The following TDRD1 variants were observed in gnomAD, a reference collection of about 807,000 sequenced individuals.
TDRD1 encodes the protein tudor domain containing 1.
A neutral mutation model predicts 140.6 loss-of-function variants in TDRD1; 37 were observed. That is an observed-to-expected ratio of 0.26 (90% confidence interval 0.20 to 0.35). The LOEUF (loss-of-function observed/expected upper bound fraction) is 0.35. TDRD1 is among the 10% of genes least tolerant of loss of function. The pLI, the probability that TDRD1 is intolerant of heterozygous loss-of-function variation, is 1.00. For missense variants in TDRD1, 1,243 were observed against 1,393.0 expected (o/e 0.89, Z 1.71); for synonymous variants, 506 against 475.7 (o/e 1.06, Z -0.83).
At chr10:114,221,540 G>T in intron 20 of TDRD1, 64 bp downstream of exon 20, 2 of 1,489,534 alleles carry the variant, frequency 1.3e-6, no homozygotes, top group African/African-American at 1.4e-5. Flanking sequence ...GAAAGTGCTG[G>T]TCTTGAATTC....
intron 11 of TDRD1, among the ~76,000 whole-genome samples, chr10:114,209,691 C>A (rs2035359620): frequency 6.6e-6 from 1 of 152,166 alleles, no homozygotes. Flanking sequence ...ATATGAAATT[C>A]CCTCCACTTT....
At chr10:114,226,084 A>G in exon 22 of TDRD1, 1 of 1,614,026 alleles carries the variant, frequency 6.2e-7, no homozygotes, top group Non-Finnish European at 8.5e-7. Context: ...TGTTCTGGGG[A>G]CATCAGACAC....
chr10:114,175,473 A>AT (rs1184412170), upstream of TDRD1, among the ~76,000 whole-genome samples: 1 of 151,958 alleles, frequency 6.6e-6, no homozygotes, highest in Non-Finnish European at 1.5e-5. Context: ...CTCATGGTAC[A>AT]TTTTTTTCGT....
At chr10:114,197,290 G>A (rs185167470) in intron 3 of TDRD1, among the ~76,000 whole-genome samples, 279 of 152,076 alleles carry the variant, frequency 1.8e-3, no homozygotes, top group African/African-American at 5.6e-3. Flanking sequence ...CAGATCAGGC[G>A]TTTCTGTGGT....
intron 2 of TDRD1, among the ~76,000 whole-genome samples, chr10:114,189,320 G>A (rs959703669): frequency 6.6e-6 from 1 of 152,210 alleles, no homozygotes; most frequent in Non-Finnish European, 1.5e-5. Flanking sequence ...GTGCAATTGA[G>A]TTGTAAGCTG....
intron 17 of TDRD1, among the ~76,000 whole-genome samples, chr10:114,218,064 A>G (rs1274686850): frequency 6.6e-6 from 1 of 152,192 alleles, no homozygotes; most frequent in Non-Finnish European, 1.5e-5. Flanking sequence ...AAGTAAAATA[A>G]TCTGAGCCAT....
At chr10:114,207,931 A>G (rs2035231910) in intron 11 of TDRD1, among the ~76,000 whole-genome samples, 2 of 151,996 alleles carry the variant, frequency 1.3e-5, no homozygotes, top group East Asian at 1.9e-4. Flanking sequence ...TAGAGAAATT[A>G]GGTGTGATAG....
At chr10:114,225,629 G>A (rs1433640827) in intron 21 of TDRD1, among the ~76,000 whole-genome samples, 1 of 152,052 alleles carries the variant, frequency 6.6e-6, no homozygotes, top group Non-Finnish European at 1.5e-5. Context: ...GGAGGCTGAG[G>A]CAGTAGGATA....
chr10:114,199,123 T>C (rs372893018), intron 3 of TDRD1, 50 bp from the exon 4 acceptor site: 205 of 1,575,854 alleles, frequency 1.3e-4, no homozygotes, highest in Non-Finnish European at 1.6e-4. Flanking sequence ...AGTATTTAAA[T>C]GGAAAAGTTA....
chr10:114,179,481 G>A (rs41308653), intron 1 of TDRD1, 65 bp downstream of exon 1: 8,798 of 152,570 alleles, frequency 0.058, 292 homozygotes, highest in Middle Eastern at 0.073. Context: ...AGGGGGCTTC[G>A]GTCGTTGGGG....
chr10:114,190,047 G>C (rs1589661524), intron 2 of TDRD1, among the ~76,000 whole-genome samples: 1 of 152,070 alleles, frequency 6.6e-6, no homozygotes, highest in African/African-American at 2.4e-5. Flanking sequence ...AGAACATTAA[G>C]TATTCCTCCT....
At chr10:114,187,732 T>C in intron 1 of TDRD1, 94 bp from the exon 2 acceptor site, 2 of 1,130,512 alleles carry the variant, frequency 1.8e-6, no homozygotes, top group East Asian at 2.4e-5. Flanking sequence ...CATTATCTGT[T>C]ACGTAAATAT....
intron 9 of TDRD1, 108 bp downstream of exon 9, chr10:114,204,324 C>A: frequency 8.2e-7 from 1 of 1,219,290 alleles, no homozygotes; most frequent in Non-Finnish European, 1.1e-6. Context: ...GTTACTGTAC[C>A]TGTACTATGT....
intron 13 of TDRD1, 103 bp downstream of exon 13, chr10:114,211,070 G>T: frequency 5.7e-6 from 5 of 872,686 alleles, no homozygotes; most frequent in South Asian, 4.1e-5. Flanking sequence ...TGCACTGATG[G>T]CTGGATTTAA....
chr10:114,222,762 T>G, intron 21 of TDRD1, 59 bp downstream of exon 21: 1 of 971,750 alleles, frequency 1.0e-6, no homozygotes, highest in South Asian at 1.4e-5. Flanking sequence ...TTGTTCTACA[T>G]GATACTATGT....
chr10:114,191,125 A>G, intron 3 of TDRD1, 106 bp downstream of exon 3: 1 of 1,250,260 alleles, frequency 8.0e-7, no homozygotes, highest in Non-Finnish European at 1.1e-6. Flanking sequence ...TCAAGATCAA[A>G]TGTTTTTTCT....
chr10:114,177,290 GA>G (rs988614625), upstream of TDRD1, among the ~76,000 whole-genome samples: 1 of 151,760 alleles, frequency 6.6e-6, no homozygotes, highest in East Asian at 1.9e-4. Context: ...AAAGGGAAGG[GA>G]AAAAAAAGAA....
intron 11 of TDRD1, among the ~76,000 whole-genome samples, chr10:114,210,206 G>A (rs1177279751): frequency 6.6e-6 from 1 of 152,280 alleles, no homozygotes; most frequent in South Asian, 2.1e-4. Flanking sequence ...TCACTTTAGA[G>A]TGAGTAGGTC....
intron 16 of TDRD1, among the ~76,000 whole-genome samples, chr10:114,215,329 T>C (rs1241054071): frequency 6.6e-6 from 1 of 152,220 alleles, no homozygotes; most frequent in African/African-American, 2.4e-5. Context: ...CCTGTTTTGC[T>C]TGGGCTGTAA....
Sources: gnomAD v4.1 joint callset for allele counts (sites outside exome capture counted in the v4.1 genomes callset) on GRCh38, gnomAD v4.1.1 for gene constraint, MANE v1.5 for transcripts, NCBI Gene and HGNC (gene_info 2026-07-23, HGNC 2026-07-21) for gene names.